Variants in PHLDB2 observed in about 807,000 individuals in gnomAD.
The protein encoded by PHLDB2 is pleckstrin homology like domain family B member 2.
In PHLDB2, 71 loss-of-function variants were observed where a neutral mutation model predicts 123.6. The ratio of observed to expected loss-of-function variants is 0.57; its 90% CI spans 0.47 to 0.70. PHLDB2 has a LOEUF of 0.70. PHLDB2 is among the 30% of genes least tolerant of loss of function. The pLI, the probability that PHLDB2 is intolerant of heterozygous loss-of-function variation, is 0.00. For synonymous variants in PHLDB2, 547 were observed against 541.6 expected, an observed-to-expected ratio of 1.01 and a Z score of -0.14; for missense variants, 1,446 against 1,519.5, an observed-to-expected ratio of 0.95 and a Z score of 0.80.
intron 1 of PHLDB2, among the ~76,000 whole-genome samples, chr3:111,793,127 TC>T (rs2060999448): frequency 6.6e-6 from 1 of 151,986 alleles, no homozygotes; most frequent in African/African-American, 2.4e-5. Flanking sequence ...GGGGCAAGCT[TC>T]CCCCACCCAA....
intron 13 of PHLDB2, 81 bp downstream of exon 13, chr3:111,962,393 C>A: frequency 7.1e-7 from 1 of 1,400,472 alleles, no homozygotes; most frequent in Non-Finnish European, 9.8e-7. Flanking sequence ...AATTTGGGAA[C>A]TGTATATGCA....
chr3:111,765,442 A>G (rs928893592), intron 1 of PHLDB2, among the ~76,000 whole-genome samples: 14 of 152,202 alleles, frequency 9.2e-5, no homozygotes, highest in African/African-American at 3.1e-4. Flanking sequence ...CATCCACAAA[A>G]TTATCTTGTC....
intron 1 of PHLDB2, among the ~76,000 whole-genome samples, chr3:111,811,369 G>T (rs2061830554): frequency 6.6e-6 from 1 of 152,044 alleles, no homozygotes; most frequent in South Asian, 2.1e-4. Flanking sequence ...GAGAACTCTT[G>T]CATTATGCAT....
At chr3:111,825,041 A>G (rs902135061) in intron 1 of PHLDB2, among the ~76,000 whole-genome samples, 1 of 152,220 alleles carries the variant, frequency 6.6e-6, no homozygotes, top group Non-Finnish European at 1.5e-5. Flanking sequence ...AAGGAAGACT[A>G]TTTCATGGTA....
intron 1 of PHLDB2, among the ~76,000 whole-genome samples, chr3:111,842,185 T>C (rs751547712): frequency 7.2e-5 from 11 of 152,210 alleles, no homozygotes; most frequent in Admixed American, 2.0e-4. Context: ...TGGCCATTAT[T>C]ATTATCTGGT....
rs562162528 is a variant in PHLDB2 at position 111,970,618 on chromosome 3, TAA to T, written c.3535+710_3535+711del. 1.5e-3 allele frequency among the ~76,000 whole-genome samples: 233 copies of T among 152,320 alleles called. 2 individuals carry two copies. The highest frequency in any genetic ancestry group is 6.0e-3 in the Admixed American group (92 of 15,298). On this transcript the variant is annotated intron_variant, in intron 16 of 17. Coordinates refer to ENST00000431670, the MANE Select transcript of PHLDB2 (RefSeq NM_001134438.2). ...GAAACATACCCTACCAAATCTTATA[TAA>T]GTGCAGGAATATTAGTGTAACTGGC...
chr3:111,817,962 T>C (rs909600278), intron 1 of PHLDB2, among the ~76,000 whole-genome samples: 1 of 152,196 alleles, frequency 6.6e-6, no homozygotes, highest in African/African-American at 2.4e-5. Context: ...TTGGCCTTTA[T>C]TTGTTCTTTG....
chr3:111,869,558 G>A (rs2065241996), intron 1 of PHLDB2, among the ~76,000 whole-genome samples: 1 of 152,184 alleles, frequency 6.6e-6, no homozygotes, highest in South Asian at 2.1e-4. Flanking sequence ...GTCCCCAGCG[G>A]CCCTCACCTT....
intron 7 of PHLDB2, 127 bp downstream of exon 7, chr3:111,939,757 G>A (rs2069741958): frequency 1.1e-6 from 1 of 930,272 alleles, no homozygotes; most frequent in Non-Finnish European, 1.6e-6. Flanking sequence ...TGTGGCAAAT[G>A]GTGTTCCAAA....
At chr3:111,788,972 A>G (rs1398889653) in intron 1 of PHLDB2, among the ~76,000 whole-genome samples, 1 of 152,198 alleles carries the variant, frequency 6.6e-6, no homozygotes, top group Non-Finnish European at 1.5e-5. Flanking sequence ...GAGGAAAAAC[A>G]TTGCAAGATC....
intron 1 of PHLDB2, among the ~76,000 whole-genome samples, chr3:111,838,755 G>A (rs187683925): frequency 7.9e-5 from 12 of 151,886 alleles, no homozygotes; most frequent in Non-Finnish European, 1.2e-4. Flanking sequence ...TTGTGTTCTC[G>A]GTATTATCTG....
At chr3:111,794,941 G>A (rs1474606840) in intron 1 of PHLDB2, among the ~76,000 whole-genome samples, 1 of 152,200 alleles carries the variant, frequency 6.6e-6, no homozygotes, top group African/African-American at 2.4e-5. Context: ...CAGATGTGAA[G>A]AGGATCACAT....
At chr3:111,831,434 T>C (rs2063030251) in intron 1 of PHLDB2, among the ~76,000 whole-genome samples, 1 of 142,282 alleles carries the variant, frequency 7.0e-6, no homozygotes. Context: ...TGAGCACATT[T>C]GTAGGGACAG....
chr3:111,733,195 C>G (rs112432549), intron 1 of PHLDB2, among the ~76,000 whole-genome samples: 1 of 152,110 alleles, frequency 6.6e-6, no homozygotes, highest in African/African-American at 2.4e-5. Flanking sequence ...CAGGAAGTCA[C>G]GTATATTTTT....
chr3:111,757,988 G>A (rs935127547), intron 1 of PHLDB2, among the ~76,000 whole-genome samples: 12 of 152,216 alleles, frequency 7.9e-5, no homozygotes, highest in East Asian at 5.8e-4. Flanking sequence ...GTACCCGGCC[G>A]TGTGAGGTGT....
chr3:111,963,084 C>A (rs752301231), intron 13 of PHLDB2, among the ~76,000 whole-genome samples: 1 of 152,100 alleles, frequency 6.6e-6, no homozygotes, highest in African/African-American at 2.4e-5. Context: ...TAAGTGTTCA[C>A]GTTTGTATTT....
chr3:111,921,673 A>G (rs1282752473), intron 5 of PHLDB2, among the ~76,000 whole-genome samples: 3 of 142,026 alleles, frequency 2.1e-5, no homozygotes, highest in Non-Finnish European at 4.5e-5. Flanking sequence ...GCGCAATCTC[A>G]GCTCACTGCA....
chr3:111,734,568 GC>G (rs1941622336), intron 1 of PHLDB2, among the ~76,000 whole-genome samples: 1 of 152,150 alleles, frequency 6.6e-6, no homozygotes. Flanking sequence ...GGTATGTACA[GC>G]TTTTTCTTTC....
chr3:111,847,870 A>T (rs1162634491), intron 2 of PHLDB2, among the ~76,000 whole-genome samples: 1 of 152,184 alleles, frequency 6.6e-6, no homozygotes, highest in East Asian at 1.9e-4. Flanking sequence ...TATTGGTAAT[A>T]GGGGTTGAGG....
Sources: gnomAD v4.1 joint callset for allele counts (sites outside exome capture counted in the v4.1 genomes callset) on GRCh38, gnomAD v4.1.1 for gene constraint, MANE v1.5 for transcripts, NCBI Gene and HGNC (gene_info 2026-07-23, HGNC 2026-07-21) for gene names.